TMIGD3: variants seen among roughly 807,000 people sequenced by gnomAD.
TMIGD3 encodes the protein transmembrane and immunoglobulin domain containing 3, also known as AD026 protein (AD026).
TMIGD3 carries 21 observed loss-of-function variants against 28.1 expected under a neutral mutation model. That is an observed-to-expected ratio of 0.75 (90% CI 0.53 to 1.08). The LOEUF is 1.08. TMIGD3 is among the 50% of genes least tolerant of loss of function. TMIGD3 has a pLI of 0.00. For synonymous variants in TMIGD3, 151 were observed against 162.1 expected, an observed-to-expected ratio of 0.93 and a Z score of 0.52; for missense variants, 416 against 435.6, an observed-to-expected ratio of 0.96 and a Z score of 0.40.
chr1:111,500,061 A>G (rs1655083074), intron 1 of TMIGD3: 1 of 1,614,236 alleles, frequency 6.2e-7, no homozygotes, highest in South Asian at 1.1e-5. Flanking sequence ...TTTTATAGGC[A>G]TAGACGATAG....
intron 1 of TMIGD3, among the ~76,000 whole-genome samples, chr1:111,534,605 T>C (rs2101017585): frequency 6.6e-6 from 1 of 152,318 alleles, no homozygotes; most frequent in South Asian, 2.1e-4. Flanking sequence ...GTCATCTTTT[T>C]CCTGCCCCTT....
chr1:111,521,197 A>G (rs1180961652), intron 1 of TMIGD3, among the ~76,000 whole-genome samples: 1 of 152,200 alleles, frequency 6.6e-6, no homozygotes, highest in Non-Finnish European at 1.5e-5. Flanking sequence ...CTATTGATGG[A>G]CATCTGGATT....
intron 1 of TMIGD3, among the ~76,000 whole-genome samples, chr1:111,551,881 G>C (rs571899429): frequency 6.6e-6 from 1 of 152,220 alleles, no homozygotes; most frequent in African/African-American, 2.4e-5. Flanking sequence ...TGTTTGCTCA[G>C]GTAAACTAGA....
At chr1:111,547,659 A>C (rs1322789900) in intron 1 of TMIGD3, among the ~76,000 whole-genome samples, 3 of 152,200 alleles carry the variant, frequency 2.0e-5, no homozygotes, top group African/African-American at 7.2e-5. Flanking sequence ...TGCCTTTTAC[A>C]GATTTTTTAA....
chr1:111,517,464 A>G (rs1655907136), intron 1 of TMIGD3, among the ~76,000 whole-genome samples: 1 of 152,052 alleles, frequency 6.6e-6, no homozygotes, highest in African/African-American at 2.4e-5. Context: ...TCCTTTCCTT[A>G]CATATAGAAA....
At chr1:111,516,739 G>A (rs1457670174) in intron 1 of TMIGD3, among the ~76,000 whole-genome samples, 1 of 152,150 alleles carries the variant, frequency 6.6e-6, no homozygotes, top group Non-Finnish European at 1.5e-5. Context: ...CAGATGGCTG[G>A]GTTGTCCCAG....
At chr1:111,515,860 G>T (rs1370370594) in intron 1 of TMIGD3, among the ~76,000 whole-genome samples, 1 of 152,234 alleles carries the variant, frequency 6.6e-6, no homozygotes, top group East Asian at 1.9e-4. Context: ...GAGCCGGGGA[G>T]GCCGGAGGGA....
At chr1:111,511,067 T>C (rs753280832) in intron 1 of TMIGD3, among the ~76,000 whole-genome samples, 12 of 152,246 alleles carry the variant, frequency 7.9e-5, no homozygotes, top group Non-Finnish European at 1.6e-4. Flanking sequence ...TTTTTATTGA[T>C]GTGCACCCCA....
intron 1 of TMIGD3, among the ~76,000 whole-genome samples, chr1:111,495,992 A>AG (rs1654871832): frequency 6.6e-6 from 1 of 152,180 alleles, no homozygotes; most frequent in Non-Finnish European, 1.5e-5. Context: ...CAACAGACAC[A>AG]GGGGCTTACT....
chr1:111,485,682 G>A, intron 5 of TMIGD3, 58 bp downstream of exon 5: 1 of 1,355,960 alleles, frequency 7.4e-7, no homozygotes, highest in Non-Finnish European at 1.0e-6. Flanking sequence ...TCTGCTCCTT[G>A]ACCTCTTTCA....
rs767667812 is a variant in TMIGD3 at position 111,490,750 on chromosome 1, AG to A, written c.362del (p.Pro121LeufsTer12). ...RVKLTVRFRI[P>X]GLPGCILSFQ... ...ATGATAGAATGCACCCAGGGAGCCCAGGAATTCTGAATCTGTTTAAGGGAAA... is the reference window on the plus strand; with the variant it reads ...ATGATAGAATGCACCCAGGGAGCCCAGAATTCTGAATCTGTTTAAGGGAAA... On this transcript the variant is annotated frameshift_variant, in exon 2 of 6. Coordinates refer to ENST00000369716, the MANE Select transcript of TMIGD3 (RefSeq NM_020683.7). LOFTEE classifies it high-confidence loss of function. 5.6e-6 allele frequency: 9 copies of A among 1,613,422 alleles called. No homozygotes were observed. Among genetic ancestry groups the A allele is most frequent in the Non-Finnish European group, 7.6e-6 (9 of 1,179,570 alleles).
intron 1 of TMIGD3, chr1:111,500,765 T>C: frequency 1.7e-6 from 1 of 575,960 alleles, no homozygotes; most frequent in South Asian, 2.6e-5. Context: ...CAGACAACGA[T>C]TGGAGAAAAA....
intron 1 of TMIGD3, chr1:111,500,294 G>A (rs557748857): frequency 2.5e-5 from 40 of 1,614,068 alleles, no homozygotes; most frequent in South Asian, 1.1e-4. Flanking sequence ...AGTTTGTTCC[G>A]AATGATGTAA....
chr1:111,518,168 T>C (rs1571430561), intron 1 of TMIGD3, among the ~76,000 whole-genome samples: 2 of 152,340 alleles, frequency 1.3e-5, no homozygotes, highest in South Asian at 2.1e-4. Flanking sequence ...TGGCTCCCAC[T>C]GTTAGGGACT....
chr1:111,510,439 T>G (rs1410359229), intron 1 of TMIGD3, among the ~76,000 whole-genome samples: 1 of 152,228 alleles, frequency 6.6e-6, no homozygotes, highest in Non-Finnish European at 1.5e-5. Context: ...GATAAATTTC[T>G]CTGAGGAGTT....
intron 1 of TMIGD3, among the ~76,000 whole-genome samples, chr1:111,518,040 T>G (rs1276958332): frequency 6.6e-6 from 1 of 152,190 alleles, no homozygotes; most frequent in African/African-American, 2.4e-5. Flanking sequence ...TTCAGTGACT[T>G]ACTCAAGAAC....
Position 111,545,187 on chromosome 1 carries a change from T to C in TMIGD3, c.107+18659A>G, listed in dbSNP as rs555532902. Among the ~76,000 whole-genome samples, 7 of 152,260 alleles carry C rather than the reference T, an allele frequency of 4.6e-5. No individual in the cohort carries two copies. In the South Asian group the frequency reaches 1.5e-3, roughly 32 times the overall value. ...ATACAGTAACTTTATTTTCAACTTT[T>C]TGAGGAGCTACCAAACTGTTTTCCA... On this transcript the variant is annotated intron_variant, in intron 1 of 5. Coordinates refer to the TMIGD3 transcript ENST00000369717.
intron 1 of TMIGD3, among the ~76,000 whole-genome samples, chr1:111,546,800 C>G (rs1657050171): frequency 6.6e-6 from 1 of 152,116 alleles, no homozygotes; most frequent in Admixed American, 6.5e-5. Context: ...AATAGAATTG[C>G]TGGATCATAT....
intron 1 of TMIGD3, among the ~76,000 whole-genome samples, chr1:111,541,769 G>A (rs1285114599): frequency 6.6e-6 from 1 of 152,156 alleles, no homozygotes; most frequent in African/African-American, 2.4e-5. Flanking sequence ...AGGGACAGGG[G>A]ACGAGGGGCC....
Sources: allele counts gnomAD v4.1 joint callset (sites outside exome capture counted in the v4.1 genomes callset), GRCh38; gene constraint gnomAD v4.1.1; transcripts MANE v1.5; gene names NCBI Gene and HGNC (gene_info 2026-07-23, HGNC 2026-07-21).